The following RFC5 variants were observed in gnomAD, a reference collection of about 807,000 sequenced individuals.
RFC5 encodes the protein A1 36 kDa subunit.
In RFC5, 26 loss-of-function variants were observed where a neutral mutation model predicts 44.3. The observed-to-expected ratio is 0.59, with a 90% CI of 0.43 to 0.81. RFC5 has a LOEUF of 0.81. Among genes scored for constraint, RFC5 ranks in the 40% least tolerant of loss-of-function variants. The probability of loss-of-function intolerance (pLI) is 0.00; values close to 1 mark genes in which losing one functional copy is unlikely to be tolerated. For missense variants in RFC5, 328 were observed against 418.6 expected (o/e 0.78, Z 1.89); for synonymous variants, 155 against 155.2 (o/e 1.00, Z 0.01).
At chr12:118,026,782 G>T in intron 7 of RFC5, 107 bp from the exon 8 acceptor site, 2 of 1,241,838 alleles carry the variant, frequency 1.6e-6, no homozygotes, top group Non-Finnish European at 2.3e-6. Context: ...ATAGAACTTT[G>T]CTGCTCACCT....
chr12:118,030,139 C>T (rs2031220665), intron 10 of RFC5, among the ~76,000 whole-genome samples: 1 of 152,160 alleles, frequency 6.6e-6, no homozygotes, highest in Non-Finnish European at 1.5e-5. Flanking sequence ...TTCAACCACC[C>T]AGCTGTTATT....
intron 1 of RFC5, among the ~76,000 whole-genome samples, chr12:118,017,412 G>C (rs1344990135): frequency 6.6e-6 from 1 of 152,210 alleles, no homozygotes; most frequent in Non-Finnish European, 1.5e-5. Flanking sequence ...CTGCATTTTA[G>C]AAAGATGTAA....
chr12:118,036,238 C>T, downstream of RFC5: 2 of 1,375,740 alleles, frequency 1.5e-6, no homozygotes, highest in Non-Finnish European at 1.0e-6. Flanking sequence ...CCAGCTTGTC[C>T]CCTCCCATGT....
chr12:118,021,640 TAAAA>T (rs563284021), intron 4 of RFC5, among the ~76,000 whole-genome samples: 1 of 133,568 alleles, frequency 7.5e-6, no homozygotes, highest in African/African-American at 2.8e-5. Flanking sequence ...GGATGGTGGC[TAAAA>T]AAAAAAAAAG....
downstream of RFC5, chr12:118,036,304 C>A: frequency 6.3e-7 from 1 of 1,598,374 alleles, no homozygotes; most frequent in South Asian, 1.1e-5. Context: ...TCAGTCCCCC[C>A]ACAAAAAAGT....
At chr12:118,029,537 T>A (rs2031176866) in intron 9 of RFC5, among the ~76,000 whole-genome samples, 1 of 152,224 alleles carries the variant, frequency 6.6e-6, no homozygotes, top group African/African-American at 2.4e-5. Flanking sequence ...TTAGGATCAC[T>A]TTGGTATCTG....
At chr12:118,033,979 G>T (rs77542352), downstream of RFC5, 158 of 593,848 alleles carry the variant, frequency 2.7e-4, no homozygotes, top group African/African-American at 2.6e-3. Flanking sequence ...CTCTGTTGCC[G>T]TGCAAGTGGA....
At chr12:118,028,715 T>C (rs889002663) in intron 9 of RFC5, among the ~76,000 whole-genome samples, 4 of 151,858 alleles carry the variant, frequency 2.6e-5, no homozygotes, top group Non-Finnish European at 4.4e-5. Flanking sequence ...AGAGAAGATA[T>C]GTAAACCATG....
At chr12:118,038,552 A>C in the RFC5 span, among the ~76,000 whole-genome samples, 2 of 152,240 alleles carry the variant, frequency 1.3e-5, no homozygotes, top group African/African-American at 4.8e-5. Flanking sequence ...AAATATGACC[A>C]GATTTGTCAT....
intron 9 of RFC5, 30 bp downstream of exon 9, chr12:118,028,060 CT>C (rs1162918481): frequency 3.5e-6 from 5 of 1,433,560 alleles, no homozygotes. Context: ...AGCTGAGAAG[CT>C]GTGGAGAAGG....
At chr12:118,030,596 G>T (rs1026957659) in intron 10 of RFC5, among the ~76,000 whole-genome samples, 1 of 152,182 alleles carries the variant, frequency 6.6e-6, no homozygotes, top group Non-Finnish European at 1.5e-5. Flanking sequence ...TATCTGTATA[G>T]TTAGGACAAA....
At chr12:118,025,405 C>T in intron 6 of RFC5, 1 of 327,442 alleles carries the variant, frequency 3.1e-6, no homozygotes, top group Non-Finnish European at 5.6e-6. Flanking sequence ...ACCTGAGCAG[C>T]TGCTTGTTGT....
chr12:118,028,514 C>G (rs376781455), intron 9 of RFC5, among the ~76,000 whole-genome samples: 19 of 148,240 alleles, frequency 1.3e-4, no homozygotes, highest in African/African-American at 4.0e-4. Flanking sequence ...ACACAAAAAA[C>G]GTGTTCCATA....
chr12:118,021,076 A>G, intron 4 of RFC5, 91 bp downstream of exon 4: 1 of 704,206 alleles, frequency 1.4e-6, no homozygotes, highest in South Asian at 1.8e-5. Flanking sequence ...GCCAGTTTAT[A>G]TGGGTTGAAA....
In RFC5 at chr12:118,031,173, T is replaced by C. The variant is rs757846204; in HGVS notation, c.927-9T>C. The C allele has an allele frequency of 7.5e-6, 12 of 1,606,408 alleles. No individual in the cohort carries two copies. Among genetic ancestry groups the C allele is most frequent in the Admixed American group, 6.7e-5 (4 of 59,288 alleles). On this transcript the variant is annotated splice_polypyrimidine_tract_variant and intron_variant, in intron 10 of 10. Transcript: ENST00000454402. Reference sequence around the variant, plus strand: ...TCTTTTTTCTTACCCTGTGTTTGGTTTCTGTTAGGTACAGGCTTTCTGTTG... The same window carrying C: ...TCTTTTTTCTTACCCTGTGTTTGGTCTCTGTTAGGTACAGGCTTTCTGTTG...
At chr12:118,020,016 CT>C (rs1173865827) in intron 3 of RFC5, among the ~76,000 whole-genome samples, 4 of 152,182 alleles carry the variant, frequency 2.6e-5, no homozygotes, top group Non-Finnish European at 2.9e-5. Flanking sequence ...CTCCCCAAAC[CT>C]TACTTTATGG....
chr12:118,017,173 G>A (rs944134268), intron 1 of RFC5, among the ~76,000 whole-genome samples: 3 of 152,196 alleles, frequency 2.0e-5, no homozygotes, highest in African/African-American at 7.2e-5. Flanking sequence ...ACAGGGGTTC[G>A]ATCCCGCGTC....
At chr12:118,023,759 G>GACT (rs563879128) in intron 5 of RFC5, among the ~76,000 whole-genome samples, 53 of 151,970 alleles carry the variant, frequency 3.5e-4, no homozygotes, top group South Asian at 8.3e-4. Context: ...CCTGCCCATA[G>GACT]AAGGTGAAGT....
intron 1 of RFC5, chr12:118,017,707 G>T: frequency 2.6e-6 from 2 of 781,580 alleles, no homozygotes; most frequent in Non-Finnish European, 3.8e-6. Flanking sequence ...GTCTCGCTCT[G>T]TCGCCCATGC....
Sources: allele counts gnomAD v4.1 joint callset (sites outside exome capture counted in the v4.1 genomes callset), GRCh38; gene constraint gnomAD v4.1.1; transcripts MANE v1.5; gene names NCBI Gene and HGNC (gene_info 2026-07-23, HGNC 2026-07-21).